RNF180: variants seen among roughly 807,000 people sequenced by gnomAD.
RNF180 encodes the protein ring finger protein 180.
In RNF180, 38 loss-of-function variants were observed where a neutral mutation model predicts 59.2. The ratio of observed to expected loss-of-function variants is 0.64; its 90% CI spans 0.50 to 0.84. RNF180 has a LOEUF of 0.84. Among genes scored for constraint, RNF180 ranks in the 40% least tolerant of loss-of-function variants. The pLI is 0.00. For synonymous variants in RNF180, 262 were observed against 240.3 expected (o/e 1.09, Z -0.84); for missense variants, 705 against 700.9 (o/e 1.01, Z -0.07).
At chr5:64,320,547 A>G (rs1744291580) in intron 5 of RNF180, among the ~76,000 whole-genome samples, 1 of 151,870 alleles carries the variant, frequency 6.6e-6, no homozygotes, top group African/African-American at 2.4e-5. Context: ...TTCTCTATTC[A>G]GAGTAGTGAT....
At chr5:64,272,935 T>C (rs1016370497) in intron 5 of RNF180, among the ~76,000 whole-genome samples, 1 of 151,808 alleles carries the variant, frequency 6.6e-6, no homozygotes, top group African/African-American at 2.4e-5. Context: ...AAAAGACACT[T>C]AAATGTCTAG....
intron 5 of RNF180, among the ~76,000 whole-genome samples, chr5:64,309,210 G>A (rs1743627577): frequency 6.6e-6 from 1 of 151,696 alleles, no homozygotes; most frequent in Non-Finnish European, 1.5e-5. Flanking sequence ...AGTTAAAAGA[G>A]CAGTTATATA....
At chr5:64,188,639 C>A (rs1300173825) in intron 1 of RNF180, among the ~76,000 whole-genome samples, 1 of 152,058 alleles carries the variant, frequency 6.6e-6, no homozygotes, top group Non-Finnish European at 1.5e-5. Flanking sequence ...GCTCTAAGTT[C>A]TTTGGTCATT....
chr5:64,240,870 A>G (rs1184035366), intron 5 of RNF180, among the ~76,000 whole-genome samples: 1 of 152,134 alleles, frequency 6.6e-6, no homozygotes. Context: ...TTACATCTAC[A>G]TTCTTAATTT....
chr5:64,337,004 GTTTTTTTTTTGT>G (rs1287723248), intron 7 of RNF180, among the ~76,000 whole-genome samples: 10 of 143,838 alleles, frequency 7.0e-5, no homozygotes, highest in Non-Finnish European at 1.4e-4. Flanking sequence ...TTTTGTTGTT[GTTTTTTTTTTGT>G]TTTTGTTTTT....
At chr5:64,282,248 GT>G (rs1370090222) in intron 5 of RNF180, among the ~76,000 whole-genome samples, 1 of 152,134 alleles carries the variant, frequency 6.6e-6, no homozygotes, top group Non-Finnish European at 1.5e-5. Flanking sequence ...TCTGTTCAGA[GT>G]TTTAATTTCT....
chr5:64,264,334 T>C (rs1259776051), intron 5 of RNF180, among the ~76,000 whole-genome samples: 1 of 152,092 alleles, frequency 6.6e-6, no homozygotes, highest in Non-Finnish European at 1.5e-5. Flanking sequence ...ATCTAGGTTT[T>C]AAGCCCCACA....
rs548866618 is a variant in RNF180 at position 64,260,342 on chromosome 5, T to A, written c.1227+42946T>A. Among the ~76,000 whole-genome samples, 10 of 152,336 alleles carry A rather than the reference T, an allele frequency of 6.6e-5. No homozygotes were observed. In the South Asian group the frequency reaches 2.1e-3, roughly 32 times the overall value. Reference sequence around the variant, plus strand: ...TAATTATCCTTCTATTAATGAATTTTAAAAATTGCTTCCAGTTTTTTATTG... The same window carrying A: ...TAATTATCCTTCTATTAATGAATTTAAAAAATTGCTTCCAGTTTTTTATTG... On this transcript the variant is annotated intron_variant, in intron 5 of 7. Transcript: ENST00000389100.
At chr5:64,282,847 T>C (rs549598759) in intron 5 of RNF180, among the ~76,000 whole-genome samples, 1 of 152,228 alleles carries the variant, frequency 6.6e-6, no homozygotes, top group Non-Finnish European at 1.5e-5. Context: ...TTTCTATCTT[T>C]ATTGTGCTGT....
In RNF180 at chr5:64,371,754, A is replaced by G. The variant is rs1746663683; in HGVS notation, c.*1940A>G. ...AAGAAGTAAATTCATAAAATTATAA[A>G]TTACTAATCTTTAAAATATTCTTAA... On this transcript the variant is annotated 3_prime_UTR_variant, in exon 8 of 8. Transcript: ENST00000389100. 1 of 151,664 alleles carries G rather than the reference A, an allele frequency of 6.6e-6. No homozygotes were observed. The highest frequency in any genetic ancestry group is 2.4e-5 in the African/African-American group (1 of 41,424). The allele number at this position is 151,664 out of a possible 1,614,324, so 9.4% of individuals were successfully genotyped here. A position where few individuals can be genotyped will look rare whatever the true frequency, so the allele number is the denominator to read the frequency against.
At chr5:64,359,893 A>G (rs1437768627) in intron 7 of RNF180, among the ~76,000 whole-genome samples, 1 of 152,008 alleles carries the variant, frequency 6.6e-6, no homozygotes, top group African/African-American at 2.4e-5. Flanking sequence ...TAAATAGGGA[A>G]TCCTTTCCCC....
intron 1 of RNF180, among the ~76,000 whole-genome samples, chr5:64,182,529 A>T (rs1327632875): frequency 6.6e-6 from 1 of 152,226 alleles, no homozygotes; most frequent in Non-Finnish European, 1.5e-5. Context: ...AGACAGAAGA[A>T]ATAACTGGGA....
At chr5:64,294,358 A>G (rs924293763) in intron 5 of RNF180, among the ~76,000 whole-genome samples, 1 of 152,192 alleles carries the variant, frequency 6.6e-6, no homozygotes, top group Non-Finnish European at 1.5e-5. Context: ...CCATAAATAT[A>G]TACACCTGCT....
At chr5:64,329,437 G>T (rs943096179) in intron 6 of RNF180, among the ~76,000 whole-genome samples, 1 of 150,910 alleles carries the variant, frequency 6.6e-6, no homozygotes, top group Non-Finnish European at 1.5e-5. Flanking sequence ...GCATTAGTTA[G>T]ATTTTTTTTC....
At chr5:64,368,884 T>C (rs1746549444) in intron 7 of RNF180, among the ~76,000 whole-genome samples, 1 of 152,012 alleles carries the variant, frequency 6.6e-6, no homozygotes, top group Non-Finnish European at 1.5e-5. Context: ...AGTTCAACCA[T>C]TGTGGAAGTC....
At chr5:64,226,884 A>C (rs1741796519) in intron 5 of RNF180, among the ~76,000 whole-genome samples, 1 of 152,240 alleles carries the variant, frequency 6.6e-6, no homozygotes, top group Admixed American at 6.5e-5. Flanking sequence ...GCAAGTTTAA[A>C]GCTAATTGGA....
At chr5:64,274,082 T>C (rs1344562936) in intron 5 of RNF180, among the ~76,000 whole-genome samples, 1 of 152,016 alleles carries the variant, frequency 6.6e-6, no homozygotes, top group Non-Finnish European at 1.5e-5. Flanking sequence ...TTTTTAAAAA[T>C]TATTTATAGC....
chr5:64,266,415 GCTT>G (rs1339696159), intron 5 of RNF180, among the ~76,000 whole-genome samples: 2 of 151,718 alleles, frequency 1.3e-5, no homozygotes, highest in Non-Finnish European at 1.5e-5. Flanking sequence ...TAATATACAG[GCTT>G]CTTCTTTTAT....
chr5:64,298,156 G>A (rs1206682375), intron 5 of RNF180, among the ~76,000 whole-genome samples: 3 of 152,040 alleles, frequency 2.0e-5, no homozygotes, highest in Admixed American at 6.6e-5. Context: ...TAAGGATAAT[G>A]GCCTCCAGCT....
Sources: gnomAD v4.1 joint callset for allele counts (sites outside exome capture counted in the v4.1 genomes callset) on GRCh38, gnomAD v4.1.1 for gene constraint, MANE v1.5 for transcripts, NCBI Gene and HGNC (gene_info 2026-07-23, HGNC 2026-07-21) for gene names.